The following MTERF4 variants were observed in gnomAD, a reference collection of about 807,000 sequenced individuals.
MTERF4 encodes the protein mitochondrial transcription termination factor 4.
Under a neutral mutation model 22.5 loss-of-function variants are expected in MTERF4, and 17 were observed. The observed-to-expected ratio is 0.75, with a 90% CI of 0.52 to 1.13. The LOEUF is 1.13. MTERF4 is among the 50% of genes most tolerant of loss of function. MTERF4 has a pLI of 0.00. For missense variants in MTERF4, 420 were observed against 466.8 expected, an observed-to-expected ratio of 0.90 and a Z score of 0.92; for synonymous variants, 165 against 175.3, an observed-to-expected ratio of 0.94 and a Z score of 0.47.
At chr2:241,094,763 A>T (rs1030910566), downstream of MTERF4, 3 of 170,218 alleles carry the variant, frequency 1.8e-5, no homozygotes, top group African/African-American at 7.2e-5. This position sits in a 1 kb window ranked among gnomAD's most constrained non-coding sequence, Gnocchi z 4.3. Flanking sequence ...ACCCACTAGA[A>T]TCCTACAATC....
downstream of MTERF4, chr2:241,082,366 T>TA (rs1282344774): frequency 6.2e-7 from 1 of 1,611,888 alleles, no homozygotes; most frequent in South Asian, 1.1e-5. Flanking sequence ...TCACCACGTG[T>TA]AAGTTGGTTT....
At chr2:241,065,838 G>A in the MTERF4 span, among the ~76,000 whole-genome samples, 1 of 152,130 alleles carries the variant, frequency 6.6e-6, no homozygotes, top group African/African-American at 2.4e-5. Context: ...CCAAGAGTGG[G>A]AGCAGCACAA....
At chr2:241,063,678 C>T in the MTERF4 span, 11 of 1,610,294 alleles carry the variant, frequency 6.8e-6, no homozygotes, top group Admixed American at 1.7e-5. Flanking sequence ...CTGCAGGCTT[C>T]GTTGGAGTCC....
chr2:241,081,696 A>G (rs2063337232), intron 4 of MTERF4: 2 of 1,607,190 alleles, frequency 1.2e-6, no homozygotes, highest in Admixed American at 1.7e-5. Flanking sequence ...GCAACTGTTC[A>G]GAAAACCCCT....
At chr2:241,088,777 G>A (rs1406833624), downstream of MTERF4, 2 of 270,010 alleles carry the variant, frequency 7.4e-6, no homozygotes, top group African/African-American at 2.2e-5. Context: ...CCTGGGAGGA[G>A]GGGCCACGGG....
At chr2:241,089,217 G>A, downstream of MTERF4, 3 of 1,364,890 alleles carry the variant, frequency 2.2e-6, no homozygotes, top group Non-Finnish European at 3.0e-6. Flanking sequence ...GTCACTGCAT[G>A]AAAGATGAAT....
downstream of MTERF4, among the ~76,000 whole-genome samples, chr2:241,068,685 C>T (rs549657230): frequency 3.9e-5 from 6 of 152,152 alleles, no homozygotes; most frequent in Admixed American, 3.3e-4. This position sits in a 1 kb window ranked among gnomAD's most constrained non-coding sequence, Gnocchi z 5.3. Context: ...CAGCCCCAAG[C>T]GCACCCGATC....
the MTERF4 span, among the ~76,000 whole-genome samples, chr2:241,057,890 T>C: frequency 5.5e-4 from 83 of 152,254 alleles, no homozygotes; most frequent in African/African-American, 1.9e-3. Flanking sequence ...AGTTATCAGA[T>C]TTCATGGTAA....
downstream of MTERF4, chr2:241,089,233 GTT>G (rs989053598): frequency 7.0e-7 from 1 of 1,434,700 alleles, no homozygotes; most frequent in Non-Finnish European, 9.3e-7. Context: ...TGAATCTCTG[GTT>G]GGCCTAGGAC....
chr2:241,067,188 C>G (rs553731437), downstream of MTERF4, among the ~76,000 whole-genome samples: 1 of 152,334 alleles, frequency 6.6e-6, no homozygotes, highest in East Asian at 1.9e-4. Flanking sequence ...TGTCCACAGA[C>G]CGGGGTGCTG....
the MTERF4 span, chr2:241,064,151 C>T: frequency 7.0e-7 from 1 of 1,430,040 alleles, no homozygotes; most frequent in Non-Finnish European, 9.4e-7. This position sits in a 1 kb window ranked among gnomAD's most constrained non-coding sequence, Gnocchi z 7.0. Flanking sequence ...TGCCTGCTCC[C>T]CGCCCTCTGC....
At chr2:241,071,623 C>T (rs375012619), downstream of MTERF4, 4 of 1,586,804 alleles carry the variant, frequency 2.5e-6, no homozygotes, top group Non-Finnish European at 3.4e-6. Flanking sequence ...AGGACACCAC[C>T]CTCGGGTGCT....
chr2:241,067,939 C>A, downstream of MTERF4: 1 of 1,609,176 alleles, frequency 6.2e-7, no homozygotes, highest in African/African-American at 1.3e-5. Context: ...TGGACAGGTT[C>A]ACCTTTAGGT....
chr2:241,090,534 G>A (rs946947568), downstream of MTERF4: 3 of 1,391,996 alleles, frequency 2.2e-6, no homozygotes, highest in South Asian at 1.5e-5. Flanking sequence ...CTACATAATT[G>A]TATGTGCTAG....
At chr2:241,053,511 A>T in the MTERF4 span, among the ~76,000 whole-genome samples, 6 of 152,348 alleles carry the variant, frequency 3.9e-5, no homozygotes, top group Admixed American at 3.9e-4. Context: ...TGATGATCAC[A>T]GTCAACTTTG....
chr2:241,064,751 A>G, the MTERF4 span: 18 of 858,274 alleles, frequency 2.1e-5, no homozygotes, highest in Non-Finnish European at 3.2e-5. This position sits in a 1 kb window ranked among gnomAD's most constrained non-coding sequence, Gnocchi z 7.0. Flanking sequence ...ACACCCACGC[A>G]GGAGGGACCC....
At position 241,096,472 on chromosome 2, in the gene MTERF4, T is replaced by C; in HGVS notation, c.706-34A>G. 6.2e-7 allele frequency: 1 copy of C among 1,604,316 alleles called. No homozygotes were observed. Among genetic ancestry groups the C allele is most frequent in the Non-Finnish European group, 8.5e-7 (1 of 1,171,700 alleles). On this transcript the variant is annotated intron_variant, in intron 3 of 3. Transcript: ENST00000391980. The surrounding 1 kb of genome is among the most constrained non-coding windows in gnomAD (Gnocchi z 5.1). ...CACAAACACACTTAGGAGTCCCAGA[T>C]ACAGAGTATTGAAACCTATCATTCT...
intron 4 of MTERF4, among the ~76,000 whole-genome samples, chr2:241,080,260 G>A (rs1370147131): frequency 6.6e-6 from 1 of 152,110 alleles, no homozygotes. Flanking sequence ...CTCCAGCCTG[G>A]GCAACAGAGC....
the MTERF4 span, chr2:241,063,962 C>G: frequency 7.4e-7 from 1 of 1,348,096 alleles, no homozygotes; most frequent in African/African-American, 1.4e-5. Flanking sequence ...CTCCTCCCTC[C>G]CCCAGACTCC....
Sources: gnomAD v4.1 joint callset for allele counts (sites outside exome capture counted in the v4.1 genomes callset) on GRCh38, gnomAD v4.1.1 for gene constraint, Gnocchi (gnomAD v3.1) non-coding constraint, MANE v1.5 for transcripts, NCBI Gene and HGNC (gene_info 2026-07-23, HGNC 2026-07-21) for gene names.